Variants in RPTOR observed in about 807,000 individuals in gnomAD.
RPTOR encodes regulatory-associated protein of mTOR.
A neutral mutation model predicts 169.9 loss-of-function variants in RPTOR; 21 were observed. The observed-to-expected ratio is 0.12, with a 90% confidence interval of 0.09 to 0.18. The LOEUF is 0.18. Ranked by LOEUF, RPTOR falls within the 10% of genes least tolerant of loss-of-function variation. The pLI, the probability that RPTOR is intolerant of heterozygous loss-of-function variation, is 1.00. For missense variants in RPTOR, 1,133 were observed against 1,855.9 expected (o/e 0.61, Z 7.16); for synonymous variants, 732 against 753.2 (o/e 0.97, Z 0.46).
At chr17:80,809,503 T>C (rs1448345965) in intron 7 of RPTOR, among the ~76,000 whole-genome samples, 1 of 152,232 alleles carries the variant, frequency 6.6e-6, no homozygotes, top group African/African-American at 2.4e-5. Flanking sequence ...CTTACCGAAG[T>C]ATAACACAAT....
intron 21 of RPTOR, among the ~76,000 whole-genome samples, chr17:80,921,303 C>T (rs1047425583): frequency 6.6e-6 from 1 of 152,234 alleles, no homozygotes; most frequent in African/African-American, 2.4e-5. Flanking sequence ...TCAGTGGGCA[C>T]CTTCATGGAG....
At chr17:80,575,014 G>T (rs541157232) in intron 1 of RPTOR, among the ~76,000 whole-genome samples, 3 of 149,256 alleles carry the variant, frequency 2.0e-5, no homozygotes, top group African/African-American at 7.4e-5. Flanking sequence ...CTTTCCTTGG[G>T]TTTGTTTTAT....
intron 3 of RPTOR, among the ~76,000 whole-genome samples, chr17:80,688,637 G>A (rs1297320996): frequency 6.6e-6 from 1 of 152,240 alleles, no homozygotes; most frequent in Non-Finnish European, 1.5e-5. Flanking sequence ...CCACTGGCCT[G>A]ACTTGATGCC....
At chr17:80,753,899 C>G in intron 5 of RPTOR, 111 bp from the exon 6 acceptor site, 1 of 1,040,550 alleles carries the variant, frequency 9.6e-7, no homozygotes, top group South Asian at 1.5e-5. Context: ...AGTGAAAACT[C>G]ACAGCCTGAG....
intron 2 of RPTOR, among the ~76,000 whole-genome samples, chr17:80,626,612 A>C (rs2065396451): frequency 6.6e-6 from 1 of 151,964 alleles, no homozygotes; most frequent in Non-Finnish European, 1.5e-5. Context: ...GTTTTTGCTA[A>C]TCTCCATTTG....
chr17:80,818,648 G>T (rs1438630464), intron 7 of RPTOR, among the ~76,000 whole-genome samples: 1 of 152,208 alleles, frequency 6.6e-6, no homozygotes, highest in Non-Finnish European at 1.5e-5. Flanking sequence ...TCACTGGATG[G>T]TTGGTTCATC....
In RPTOR at chr17:80,957,493, C is replaced by T; in HGVS notation, c.3371-131C>T. Reference sequence around the variant, plus strand: ...GGGAGCTCATATGAGGCATATGGACCCACCAGATGGGCTCGATGGTGGCAG... The same window carrying T: ...GGGAGCTCATATGAGGCATATGGACTCACCAGATGGGCTCGATGGTGGCAG... On this transcript the variant is annotated intron_variant, in intron 28 of 33. Transcript: ENST00000306801. This position sits in a 1 kb window ranked among gnomAD's most constrained non-coding sequence, Gnocchi z 4.6. The T allele has an allele frequency of 1.3e-6, 1 of 795,378 alleles. No individual in the cohort carries two copies. The allele number at this position is 795,378 out of a possible 1,614,324, so 49.3% of individuals were successfully genotyped here.
chr17:80,867,050 A>T (rs2068000944), intron 13 of RPTOR, among the ~76,000 whole-genome samples: 1 of 152,250 alleles, frequency 6.6e-6, no homozygotes, highest in African/African-American at 2.4e-5. Flanking sequence ...GGTTAGACAC[A>T]CGTTACAAGA....
At position 80,895,626 on chromosome 17, in the gene RPTOR, G is replaced by T. The variant is rs143676520; in HGVS notation, c.2401+1761G>T. ...GCGTGGATACACGTGAGTGCCTCTCGCCACCTTGCCTCAGAGTGAAGCTGC... is the reference window on the plus strand; with the variant it reads ...GCGTGGATACACGTGAGTGCCTCTCTCCACCTTGCCTCAGAGTGAAGCTGC... On this transcript the variant is annotated intron_variant, in intron 20 of 33. Coordinates refer to ENST00000306801, the MANE Select transcript of RPTOR (RefSeq NM_020761.3). Among the ~76,000 whole-genome samples the T allele has an allele frequency of 4.6e-5, 7 of 152,348 alleles. No homozygotes were observed. The East Asian group carries it at 1.4e-3, about 29-fold the overall frequency.
At chr17:80,603,402 C>T (rs530319967) in intron 1 of RPTOR, among the ~76,000 whole-genome samples, 16 of 152,244 alleles carry the variant, frequency 1.1e-4, no homozygotes, top group East Asian at 3.9e-4. Flanking sequence ...TGGGAAAGCA[C>T]GCGTGTTTGA....
At chr17:80,645,734 G>A (rs1041266156) in intron 3 of RPTOR, among the ~76,000 whole-genome samples, 2 of 152,124 alleles carry the variant, frequency 1.3e-5, no homozygotes, top group Admixed American at 1.3e-4. Context: ...ATTGAGAAGC[G>A]GCATCATGAT....
chr17:80,547,200 A>T (rs1329406334), intron 1 of RPTOR, among the ~76,000 whole-genome samples: 1 of 152,250 alleles, frequency 6.6e-6, no homozygotes, highest in African/African-American at 2.4e-5. Flanking sequence ...TTAAGGAGTT[A>T]AATAAGTTAG....
chr17:80,930,447 C>T (rs2068880439), intron 24 of RPTOR, among the ~76,000 whole-genome samples: 9 of 920 alleles, frequency 9.8e-3, no homozygotes, highest in African/African-American at 9.4e-3. Flanking sequence ...CCAGCTCATC[C>T]TCAGCTCATC....
rs545270713 is a variant in RPTOR, at chr17:80,676,192, C to G, written c.349-31649C>G. 1.8e-4 allele frequency among the ~76,000 whole-genome samples: 28 copies of G among 152,240 alleles called. No homozygotes were observed. In the South Asian group the frequency reaches 5.6e-3, roughly 30 times the overall value. Reference sequence around the variant, plus strand: ...GGCTAAGGAGTTTGTCGTGTTTATGCAAAATGGTAATGTCCTACTGCTGCT... The same window carrying G: ...GGCTAAGGAGTTTGTCGTGTTTATGGAAAATGGTAATGTCCTACTGCTGCT... On this transcript the variant is annotated intron_variant, in intron 3 of 33. Transcript: ENST00000306801.
intron 21 of RPTOR, among the ~76,000 whole-genome samples, chr17:80,912,300 C>G (rs1177397981): frequency 6.6e-6 from 1 of 152,190 alleles, no homozygotes; most frequent in African/African-American, 2.4e-5. Context: ...ACCACCCTTG[C>G]TCTGTCCTGA....
At position 80,554,900 on chromosome 17, in the gene RPTOR, T is replaced by C. The variant is rs138656829; in HGVS notation, c.162+9109T>C. Among the ~76,000 whole-genome samples the C allele has an allele frequency of 1.6e-4, 24 of 152,276 alleles. No individual in the cohort carries two copies. The East Asian group carries it at 4.4e-3, about 28-fold the overall frequency. The stretch of plus-strand genomic sequence containing the variant: ...AGATAACTGACAATTTTTGAAAATA[T>C]AGTTATTTGTAGAAATGTTATTTAT... On this transcript the variant is annotated intron_variant, in intron 1 of 33. Coordinates refer to ENST00000306801, the MANE Select transcript of RPTOR (RefSeq NM_020761.3).
At chr17:80,831,175 C>G (rs1340840204) in intron 9 of RPTOR, among the ~76,000 whole-genome samples, 1 of 152,206 alleles carries the variant, frequency 6.6e-6, no homozygotes, top group Admixed American at 6.5e-5. Flanking sequence ...GAGGCAAGCA[C>G]AGAGGTTTGG....
At chr17:80,796,483 C>T (rs964974077) in intron 7 of RPTOR, among the ~76,000 whole-genome samples, 5 of 152,154 alleles carry the variant, frequency 3.3e-5, no homozygotes, top group African/African-American at 1.2e-4. Context: ...AGCGAGAGCA[C>T]ACCAGGGAAG....
At chr17:80,856,025 A>G (rs2067848789) in intron 12 of RPTOR, among the ~76,000 whole-genome samples, 1 of 152,220 alleles carries the variant, frequency 6.6e-6, no homozygotes, top group South Asian at 2.1e-4. Flanking sequence ...ATGGCCACTA[A>G]AAACACCCTG....
Sources: gnomAD v4.1 joint callset for allele counts (sites outside exome capture counted in the v4.1 genomes callset) on GRCh38, gnomAD v4.1.1 for gene constraint, Gnocchi (gnomAD v3.1) non-coding constraint, MANE v1.5 for transcripts, NCBI Gene and HGNC (gene_info 2026-07-23, HGNC 2026-07-21) for gene names.